DCP2: variants seen among roughly 807,000 people sequenced by gnomAD.
The protein encoded by DCP2 is decapping mRNA 2, also known as m7GpppN-mRNA hydrolase.
Under a neutral mutation model 56.1 loss-of-function variants are expected in DCP2, and 30 were observed. That is an observed-to-expected ratio of 0.53 (90% CI 0.40 to 0.73). The LOEUF (loss-of-function observed/expected upper bound fraction) is 0.73. Among genes scored for constraint, DCP2 ranks in the 30% least tolerant of loss-of-function variants. The probability of loss-of-function intolerance (pLI) is 0.00; values close to 1 mark genes in which losing one functional copy is unlikely to be tolerated. For synonymous variants in DCP2, 197 were observed against 163.3 expected (o/e 1.21, Z -1.57); for missense variants, 533 against 502.7 (o/e 1.06, Z -0.58).
rs112028605 is a variant in DCP2, at chr5:112,991,859, A to C, written c.206-262A>C. Among the ~76,000 whole-genome samples, 436 of 152,342 alleles carry C rather than the reference A, an allele frequency of 2.9e-3. 1 individual carries two copies. The highest frequency in any genetic ancestry group is 1.0e-2 in the African/African-American group (414 of 41,576). On this transcript the variant is annotated intron_variant, in intron 2 of 10. Coordinates refer to ENST00000389063, the MANE Select transcript of DCP2 (RefSeq NM_152624.6). ...AGTACTAAAAACTTGATTTGTGTGTAGGCTACAAATGAAAAAGTTAACAAT... is the reference window on the plus strand; with the variant it reads ...AGTACTAAAAACTTGATTTGTGTGTCGGCTACAAATGAAAAAGTTAACAAT...
Position 113,010,701 on chromosome 5 carries a change from A to G in DCP2, c.1048-55A>G. The G allele has an allele frequency of 4.9e-6, 7 of 1,424,768 alleles. No homozygotes were observed. The South Asian group carries it at 1.1e-4, about 22-fold the overall frequency. The allele number at this position is 1,424,768 out of a possible 1,614,324, so 88.3% of individuals were successfully genotyped here. A position where few individuals can be genotyped will look rare whatever the true frequency, so the allele number is the denominator to read the frequency against. ...TCTTTTGATTTTTAATAAGTGAAAT[A>G]ACTGGTGACTGTGTTGTATGTGTGT... is the stretch of plus-strand genomic sequence containing the variant. On this transcript the variant is annotated intron_variant, in intron 9 of 10. Coordinates refer to ENST00000389063, the MANE Select transcript of DCP2 (RefSeq NM_152624.6).
chr5:113,021,327 A>G lies in DCP2; in HGVS notation c.*7843A>G, dbSNP rs554850781. Among the ~76,000 whole-genome samples, 31 of 149,556 alleles carry G rather than the reference A, an allele frequency of 2.1e-4. No homozygotes were observed. Among genetic ancestry groups the G allele is most frequent in the African/African-American group, 5.9e-4 (24 of 40,518 alleles). ...GGTCGCAGTGAGCTGAGATCACACC[A>G]CTGCACTCCAGCCTGGGTGAACAGA... On this transcript the variant is annotated 3_prime_UTR_variant, in exon 11 of 11. Coordinates refer to ENST00000389063, the MANE Select transcript of DCP2 (RefSeq NM_152624.6).
At chr5:113,011,960 C>G (rs947946048) in intron 10 of DCP2, among the ~76,000 whole-genome samples, 2 of 152,136 alleles carry the variant, frequency 1.3e-5, no homozygotes, top group Non-Finnish European at 2.9e-5. Context: ...ATTGAAGGGT[C>G]TATTATTTCT....
Position 113,021,983 on chromosome 5 carries a change from C to T in DCP2, c.*8499C>T, listed in dbSNP as rs1750167003. On this transcript the variant is annotated 3_prime_UTR_variant, in exon 11 of 11. Coordinates refer to ENST00000389063, the MANE Select transcript of DCP2 (RefSeq NM_152624.6). ...CTAATAATAGTCTTACTTCTAGACC[C>T]CTGCTTTGACTAGGGCTCTTGATTT... 6.6e-6 allele frequency: 1 copy of T among 152,100 alleles called. No individual in the cohort carries two copies. Among genetic ancestry groups the T allele is most frequent in the Admixed American group, 6.5e-5 (1 of 15,274 alleles). The allele number at this position is 152,100 out of a possible 1,614,324, so 9.4% of individuals were successfully genotyped here.
At position 113,020,479 on chromosome 5, in the gene DCP2, C is replaced by T. The variant is rs544859827; in HGVS notation, c.*6995C>T. The T allele has an allele frequency of 6.6e-6, 1 of 152,286 alleles. No homozygotes were observed. Among genetic ancestry groups the T allele is most frequent in the Non-Finnish European group, 1.5e-5 (1 of 68,024 alleles). 9.4% of individuals were successfully genotyped at this position (152,286 alleles called of 1,614,324 possible). A position where few individuals can be genotyped will look rare whatever the true frequency, so the allele number is the denominator to read the frequency against. On this transcript the variant is annotated 3_prime_UTR_variant, in exon 11 of 11. Coordinates refer to ENST00000389063, the MANE Select transcript of DCP2 (RefSeq NM_152624.6). ...ATAGCAGAAAAGGAACCCCAAAACA[C>T]CTGTAGTGTTCACCTTGTTATAAGA...
chr5:112,993,710 G>A (rs773115214), intron 4 of DCP2, among the ~76,000 whole-genome samples: 6 of 144,088 alleles, frequency 4.2e-5, no homozygotes, highest in Non-Finnish European at 7.5e-5. Context: ...TGTTCCTTCT[G>A]TTCAGCTCCT....
In DCP2 at chr5:112,992,255, G is replaced by T. The variant is rs767605304; in HGVS notation, c.333+7G>T. On this transcript the variant is annotated splice_region_variant and intron_variant, in intron 3 of 10. Coordinates refer to ENST00000389063, the MANE Select transcript of DCP2 (RefSeq NM_152624.6). ...TGATGAGACACTTGAAAATGTGAGT[G>T]TAATGAAATAAAGATTTTTAGTGAA... 1.2e-6 allele frequency: 2 copies of T among 1,604,908 alleles called. No homozygotes were observed. Among genetic ancestry groups the T allele is most frequent in the South Asian group, 2.2e-5 (2 of 88,948 alleles).
chr5:113,000,302 A>C (rs541499639), intron 4 of DCP2, among the ~76,000 whole-genome samples: 1 of 151,716 alleles, frequency 6.6e-6, no homozygotes, highest in Admixed American at 6.6e-5. Flanking sequence ...ACCTGGGCTC[A>C]AGTGATCCTC....
intron 3 of DCP2, 147 bp from the exon 4 acceptor site, chr5:112,992,525 G>T (rs1748641376): frequency 1.4e-6 from 1 of 710,088 alleles, no homozygotes; most frequent in African/African-American, 1.8e-5. Context: ...GATGTATTCA[G>T]ACTCACTGAA....
chr5:112,993,380 T>C (rs935628391), intron 4 of DCP2, among the ~76,000 whole-genome samples: 1 of 152,056 alleles, frequency 6.6e-6, no homozygotes, highest in African/African-American at 2.4e-5. Flanking sequence ...CACGCCTGAA[T>C]ATGGGAGGCC....
At chr5:112,996,585 G>T in intron 4 of DCP2, among the ~76,000 whole-genome samples, 1 of 152,168 alleles carries the variant, frequency 6.6e-6, no homozygotes, top group East Asian at 1.9e-4. Context: ...AGCAGAATTT[G>T]ACACATCCTC....
At chr5:113,002,822 C>T (rs1261656564) in intron 7 of DCP2, among the ~76,000 whole-genome samples, 1 of 152,190 alleles carries the variant, frequency 6.6e-6, no homozygotes, top group African/African-American at 2.4e-5. Flanking sequence ...CATGCCTGGC[C>T]TCTGGCTTAC....
At chr5:112,991,016 C>G (rs986458378) in intron 2 of DCP2, among the ~76,000 whole-genome samples, 4 of 151,908 alleles carry the variant, frequency 2.6e-5, no homozygotes, top group Non-Finnish European at 5.9e-5. Context: ...ACATTCCTTT[C>G]TATATTATGT....
At position 113,021,134 on chromosome 5, in the gene DCP2, C is replaced by T. The variant is rs1035459389; in HGVS notation, c.*7650C>T. Among the ~76,000 whole-genome samples the T allele has an allele frequency of 6.6e-6, 1 of 152,096 alleles. No individual in the cohort carries two copies. Among genetic ancestry groups the T allele is most frequent in the Admixed American group, 6.5e-5 (1 of 15,270 alleles). ...GGTGCTCATACCTGTAATCCCAGCA[C>T]TTTGGGAGGCTGAGTTGGGTGGATC... is the stretch of plus-strand genomic sequence containing the variant. On this transcript the variant is annotated 3_prime_UTR_variant, in exon 11 of 11. Coordinates refer to ENST00000389063, the MANE Select transcript of DCP2 (RefSeq NM_152624.6).
intron 4 of DCP2, among the ~76,000 whole-genome samples, chr5:113,000,743 A>G (rs1749138532): frequency 6.6e-6 from 1 of 152,202 alleles, no homozygotes; most frequent in African/African-American, 2.4e-5. Flanking sequence ...TATAAATGTT[A>G]AGATTTGGAG....
chr5:112,988,161 G>T (rs780973800), intron 2 of DCP2, among the ~76,000 whole-genome samples: 1 of 151,942 alleles, frequency 6.6e-6, no homozygotes, highest in Non-Finnish European at 1.5e-5. Flanking sequence ...TTGAGCAACG[G>T]TAAAGAATAT....
chr5:112,993,031 CA>C (rs1748666104), intron 4 of DCP2, among the ~76,000 whole-genome samples: 1 of 151,120 alleles, frequency 6.6e-6, no homozygotes, highest in Non-Finnish European at 1.5e-5. Flanking sequence ...ATATTTTTCC[CA>C]CCTTTCCCTT....
chr5:113,004,207 T>G, intron 8 of DCP2, 130 bp downstream of exon 8: 1 of 1,047,246 alleles, frequency 9.5e-7, no homozygotes, highest in Non-Finnish European at 1.4e-6. Context: ...TGTATGTTCC[T>G]TACTTATGAT....
chr5:112,995,508 A>T (rs1748807198), intron 4 of DCP2, among the ~76,000 whole-genome samples: 1 of 152,144 alleles, frequency 6.6e-6, no homozygotes, highest in Non-Finnish European at 1.5e-5. Flanking sequence ...AGGATATTAC[A>T]TTGGTTGGAA....
Sources: gnomAD v4.1 joint callset for allele counts (sites outside exome capture counted in the v4.1 genomes callset) on GRCh38, gnomAD v4.1.1 for gene constraint, MANE v1.5 for transcripts, NCBI Gene and HGNC (gene_info 2026-07-23, HGNC 2026-07-21) for gene names.